The following SSC4D variants were observed in gnomAD, a reference collection of about 807,000 sequenced individuals.
SSC4D encodes scavenger receptor cysteine rich family member with 4 domains.
Under a neutral mutation model 63.4 loss-of-function variants are expected in SSC4D, and 57 were observed. That is an observed-to-expected ratio of 0.90 (90% confidence interval 0.73 to 1.12). The LOEUF (loss-of-function observed/expected upper bound fraction) is 1.12, where lower values mean the gene tolerates loss of function less well. Among genes scored for constraint, SSC4D ranks in the 50% most tolerant of loss-of-function variants. The pLI, the probability that SSC4D is intolerant of heterozygous loss-of-function variation, is 0.00. For missense variants in SSC4D, 791 were observed against 806.4 expected, an observed-to-expected ratio of 0.98 and a Z score of 0.23; for synonymous variants, 352 against 345.4, an observed-to-expected ratio of 1.02 and a Z score of -0.21.
In SSC4D at chr7:76,389,770, A is replaced by G. The variant is rs1804452656; in HGVS notation, c.*289T>C. The G allele has an allele frequency of 6.7e-6, 3 of 447,622 alleles. No homozygotes were observed. The highest frequency in any genetic ancestry group is 1.2e-5 in the Non-Finnish European group (3 of 247,330). 27.7% of individuals were successfully genotyped at this position (447,622 alleles called of 1,614,324 possible). A position where few individuals can be genotyped will look rare whatever the true frequency, so the allele number is the denominator to read the frequency against. On this transcript the variant is annotated 3_prime_UTR_variant, in exon 11 of 11. Transcript: ENST00000275560. ...TAAAAAGAGCCCCACCAAACAGAAG[A>G]GTTAGGAATCATCCTCTTCCCCTCG...
intron 6 of SSC4D, among the ~76,000 whole-genome samples, chr7:76,396,211 C>T (rs758999712): frequency 1.3e-5 from 2 of 152,166 alleles, no homozygotes; most frequent in African/African-American, 2.4e-5. Flanking sequence ...GCTCAGATAC[C>T]GGGCCAAATT....
chr7:76,401,926 A>C (rs1804843412), intron 2 of SSC4D, among the ~76,000 whole-genome samples: 1 of 152,224 alleles, frequency 6.6e-6, no homozygotes, highest in South Asian at 2.1e-4. Flanking sequence ...GCAGATGTTC[A>C]GTAGCTCCAC....
Position 76,393,385 on chromosome 7 carries a change from A to G in SSC4D, c.1333+20T>C, listed in dbSNP as rs757149902. On this transcript the variant is annotated intron_variant, in intron 9 of 10. Coordinates refer to ENST00000275560, the MANE Select transcript of SSC4D (RefSeq NM_080744.2). ...AGTGCGCGGCCCCGCTGTCAGCCTC[A>G]CCTTCGCTGTCAGCCTCACCTGCGC... 79 of 1,335,274 alleles carry G rather than the reference A, an allele frequency of 5.9e-5. No homozygotes were observed. The highest frequency in any genetic ancestry group is 2.4e-4 in the South Asian group (13 of 54,124). 82.7% of individuals were successfully genotyped at this position (1,335,274 alleles called of 1,614,324 possible). A position where few individuals can be genotyped will look rare whatever the true frequency, so the allele number is the denominator to read the frequency against.
chr7:76,399,228 G>A (rs1194062554), intron 4 of SSC4D, among the ~76,000 whole-genome samples: 1 of 152,018 alleles, frequency 6.6e-6, no homozygotes, highest in African/African-American at 2.4e-5. Context: ...GGTCAGGCTG[G>A]TCTTGAACTC....
intron 9 of SSC4D, 81 bp downstream of exon 9, chr7:76,393,324 C>T (rs1804539752): frequency 1.6e-6 from 2 of 1,271,962 alleles, no homozygotes; most frequent in Non-Finnish European, 9.9e-7. Context: ...CAAGAGAGGC[C>T]TCGCGCGTGG....
chr7:76,394,824 A>G (rs954559667), intron 7 of SSC4D, among the ~76,000 whole-genome samples: 2 of 145,552 alleles, frequency 1.4e-5, no homozygotes, highest in Non-Finnish European at 3.0e-5. Context: ...TGTATAATAT[A>G]TATGATATAT....
At chr7:76,400,903 G>T in intron 3 of SSC4D, 105 bp downstream of exon 3, 1 of 1,442,932 alleles carries the variant, frequency 6.9e-7, no homozygotes, top group Non-Finnish European at 9.5e-7. Context: ...GGGGCATCTA[G>T]AGTCAAGGGG....
At chr7:76,390,588 C>T (rs1804474768) in intron 10 of SSC4D, among the ~76,000 whole-genome samples, 1 of 151,682 alleles carries the variant, frequency 6.6e-6, no homozygotes, top group Non-Finnish European at 1.5e-5. Context: ...GAGGCCGAGG[C>T]AGGCGGATCA....
chr7:76,405,676 C>T (rs564874210), intron 1 of SSC4D, among the ~76,000 whole-genome samples: 12 of 152,004 alleles, frequency 7.9e-5, no homozygotes, highest in African/African-American at 2.4e-4. Context: ...TGAGTGGAGA[C>T]GACGGCAGAG....
At position 76,390,218 on chromosome 7, in the gene SSC4D, AG is replaced by A; in HGVS notation, c.1568del (p.Pro523LeufsTer68). 1 of 1,614,142 alleles carries A rather than the reference AG, an allele frequency of 6.2e-7. No individual in the cohort carries two copies. Among genetic ancestry groups the A allele is most frequent in the South Asian group, 1.1e-5 (1 of 91,086 alleles). On this transcript the variant is annotated frameshift_variant, in exon 11 of 11. Transcript: ENST00000275560. LOFTEE classifies it high-confidence loss of function. The stretch of plus-strand genomic sequence containing the variant: ...GGCCTGGGCCAAAGTGAGCCTCGCC[AG>A]GGGCTGCGAGGGCCTGGCCACAGCC... ...QLGCGQALAA[P>X]GEAHFGPGRG...
chr7:76,392,074 C>T (rs1323162038), intron 9 of SSC4D, 33 bp from the exon 10 acceptor site: 17 of 1,551,182 alleles, frequency 1.1e-5, no homozygotes, highest in Non-Finnish European at 1.5e-5. Flanking sequence ...AAAGAGGTGG[C>T]TCTCACAATG....
Position 76,395,270 on chromosome 7 carries a change from C to G in SSC4D, c.929G>C (p.Trp310Ser). 6.2e-7 allele frequency: 1 copy of G among 1,613,900 alleles called. No homozygotes were observed. The highest frequency in any genetic ancestry group is 1.1e-5 in the South Asian group (1 of 91,066). ...PSSATREDWAWQTDPSATGVG... is the reference protein window; with the variant it reads ...PSSATREDWASQTDPSATGVG... ...CTCTTTACCGGACGGATCTGTCTGC[C>G]AAGCCCAGTCCTCTCTTGTGGCTGA... The change falls in exon 7 of 11, where the codon TGG becomes TCG. Residue 310 changes from tryptophan (W) to serine (S), a missense_variant. Coordinates refer to ENST00000275560, the MANE Select transcript of SSC4D (RefSeq NM_080744.2).
chr7:76,400,468 T>A lies in SSC4D; in HGVS notation c.293A>T (p.Gln98Leu), dbSNP rs1804783454. The change falls in exon 4 of 11, where the codon CAG becomes CTG. Residue 98 changes from glutamine to leucine, a missense_variant. Gln to Leu is a moderately radical substitution (Grantham distance 113, BLOSUM62 -2). Transcript: ENST00000275560. ...GGGCAGTGCCAGGCCACAGCCCAGCTGGCGACACACTACGTTGGCGTCCAC... is the reference window on the plus strand; with the variant it reads ...GGGCAGTGCCAGGCCACAGCCCAGCAGGCGACACACTACGTTGGCGTCCAC... ...DVVDANVVCR[Q>L]LGCGLALPVP... The A allele has an allele frequency of 6.2e-7, 1 of 1,608,460 alleles. No individual in the cohort carries two copies. The highest frequency in any genetic ancestry group is 1.3e-5 in the African/African-American group (1 of 74,804).
chr7:76,408,742 G>C (rs17149201), intron 1 of SSC4D, among the ~76,000 whole-genome samples: 1 of 152,094 alleles, frequency 6.6e-6, no homozygotes, highest in Admixed American at 6.6e-5. Context: ...CCTGCTTCAC[G>C]CCCAAGGGAA....
Position 76,393,556 on chromosome 7 carries a change from C to A in SSC4D, c.1182G>T (p.Thr394=). The change falls in exon 9 of 11, where the codon ACG becomes ACT. Residue 394 remains threonine (T), a synonymous_variant. Transcript: ENST00000275560. ...GGCCGTAGCCGAAGTGGCCCAGTCC[C>A]GTAGCGCCCAGCGCAGGCCCGCAGC... The part of the protein sequence containing the change: ...EAGCGPALGA[T]GLGHFGYGRG... The A allele has an allele frequency of 6.6e-7, 1 of 1,519,774 alleles. No individual in the cohort carries two copies. Among genetic ancestry groups the A allele is most frequent in the East Asian group, 2.6e-5 (1 of 38,900 alleles). 94.1% of individuals were successfully genotyped at this position (1,519,774 alleles called of 1,614,324 possible).
chr7:76,404,385 C>G lies in SSC4D; in HGVS notation c.55G>C (p.Gly19Arg). ...IGPQLDEKRW[G>R]WRLGDGSAAP... ...GCACTCCCATCTCCCAACCTCCACC[C>G]CCAGCGCTTCTCATCCAGCTGGGGA... Residue 19 changes from glycine to arginine, a missense_variant, in exon 2 of 11, where the codon GGG becomes CGG. Transcript: ENST00000275560. 1 of 1,613,952 alleles carries G rather than the reference C, an allele frequency of 6.2e-7. No individual in the cohort carries two copies. The highest frequency in any genetic ancestry group is 1.1e-5 in the South Asian group (1 of 91,078).
At chr7:76,398,914 A>C in intron 4 of SSC4D, 117 bp from the exon 5 acceptor site, 2 of 1,008,420 alleles carry the variant, frequency 2.0e-6, no homozygotes, top group Non-Finnish European at 3.0e-6. Context: ...GCCTCTGGCC[A>C]CACAAAGAGT....
intron 6 of SSC4D, among the ~76,000 whole-genome samples, chr7:76,395,607 A>G (rs897098612): frequency 3.9e-5 from 6 of 152,232 alleles, no homozygotes; most frequent in Admixed American, 6.5e-5. Flanking sequence ...TCTCATCAGA[A>G]GTCCTCTGTG....
At chr7:76,395,662 C>A (rs1804619074) in intron 6 of SSC4D, among the ~76,000 whole-genome samples, 1 of 152,194 alleles carries the variant, frequency 6.6e-6, no homozygotes, top group African/African-American at 2.4e-5. Flanking sequence ...TCAGGGAGGA[C>A]CATACACAGG....
Sources: allele counts gnomAD v4.1 joint callset (sites outside exome capture counted in the v4.1 genomes callset), GRCh38; gene constraint gnomAD v4.1.1; transcripts MANE v1.5; gene names NCBI Gene and HGNC (gene_info 2026-07-23, HGNC 2026-07-21).